Variants in ELMO1 observed in about 807,000 individuals in gnomAD.
The protein encoded by ELMO1 is engulfment and cell motility 1.
Under a neutral mutation model 98.9 loss-of-function variants are expected in ELMO1, and 26 were observed. That is an observed-to-expected ratio of 0.26 (90% CI 0.19 to 0.36). The LOEUF (loss-of-function observed/expected upper bound fraction) is 0.36. ELMO1 is among the 10% of genes least tolerant of loss of function. ELMO1 has a pLI of 1.00. For synonymous variants in ELMO1, 346 were observed against 346.0 expected (o/e 1.00, Z 0.00); for missense variants, 627 against 935.2 (o/e 0.67, Z 4.30).
chr7:36,875,642 C>G (rs1803896337), intron 19 of ELMO1, among the ~76,000 whole-genome samples: 2 of 152,156 alleles, frequency 1.3e-5, no homozygotes, highest in African/African-American at 4.8e-5. Context: ...ATTTGCAGCT[C>G]TGGCCTTGCT....
At chr7:37,417,077 A>C (rs1422343951) in intron 1 of ELMO1, among the ~76,000 whole-genome samples, 2 of 152,316 alleles carry the variant, frequency 1.3e-5, no homozygotes, top group Non-Finnish European at 2.9e-5. Context: ...TCTCTCAACG[A>C]TCCTAGAAGA....
At chr7:37,163,164 C>T (rs1789347471) in intron 13 of ELMO1, among the ~76,000 whole-genome samples, 1 of 152,102 alleles carries the variant, frequency 6.6e-6, no homozygotes, top group South Asian at 2.1e-4. Context: ...ATTGCTTTTC[C>T]TCTTTTCAAT....
At chr7:36,966,325 G>A (rs1478088124) in intron 16 of ELMO1, among the ~76,000 whole-genome samples, 2 of 152,156 alleles carry the variant, frequency 1.3e-5, no homozygotes, top group East Asian at 3.8e-4. Context: ...GAATCTATGG[G>A]TCAGCGTGAA....
intron 13 of ELMO1, among the ~76,000 whole-genome samples, chr7:37,166,207 C>T (rs377202742): frequency 2.1e-3 from 317 of 152,084 alleles, no homozygotes; most frequent in East Asian, 5.4e-3. Flanking sequence ...TTTTTTATTG[C>T]GTCTATTTGA....
chr7:37,232,892 C>A (rs762207805), intron 8 of ELMO1, among the ~76,000 whole-genome samples: 1 of 152,178 alleles, frequency 6.6e-6, no homozygotes, highest in Non-Finnish European at 1.5e-5. Flanking sequence ...TGCGCACATG[C>A]AATCCCTTAT....
intron 16 of ELMO1, among the ~76,000 whole-genome samples, chr7:36,991,412 C>A (rs538780835): frequency 2.0e-5 from 3 of 152,220 alleles, no homozygotes; most frequent in African/African-American, 7.2e-5. Context: ...GTAGCCACTA[C>A]TGGCTCAGTG....
chr7:37,197,939 G>C (rs1792067356), intron 13 of ELMO1, among the ~76,000 whole-genome samples: 1 of 152,134 alleles, frequency 6.6e-6, no homozygotes, highest in Admixed American at 6.5e-5. Context: ...TCTCCAAAGG[G>C]TATCGTGGAT....
intron 4 of ELMO1, among the ~76,000 whole-genome samples, chr7:37,287,433 A>C (rs1228955628): frequency 1.3e-5 from 2 of 152,206 alleles, no homozygotes; most frequent in East Asian, 3.8e-4. Context: ...CCTGTATTAA[A>C]GCATTAAATA....
chr7:37,384,232 C>G (rs1253844806), intron 1 of ELMO1, among the ~76,000 whole-genome samples: 1 of 152,170 alleles, frequency 6.6e-6, no homozygotes, highest in Non-Finnish European at 1.5e-5. Context: ...ATTATTACCT[C>G]TTTTAGTAAC....
intron 16 of ELMO1, among the ~76,000 whole-genome samples, chr7:36,977,316 A>G (rs1170855385): frequency 6.6e-6 from 1 of 152,262 alleles, no homozygotes; most frequent in Non-Finnish European, 1.5e-5. Flanking sequence ...CCTGGCACAC[A>G]GAGAGTACAG....
intron 1 of ELMO1, among the ~76,000 whole-genome samples, chr7:37,405,220 A>G (rs1383773588): frequency 3.3e-5 from 3 of 90,710 alleles, no homozygotes; most frequent in Non-Finnish European, 6.9e-5. Flanking sequence ...ACAATGGGGA[A>G]AAAAAACCCT....
intron 4 of ELMO1, among the ~76,000 whole-genome samples, chr7:37,298,013 C>CT (rs750078494): frequency 6.3e-4 from 96 of 152,130 alleles, no homozygotes; most frequent in Non-Finnish European, 1.1e-3. Context: ...TTTTAATTTA[C>CT]TTTTTTCTAA....
At chr7:37,026,083 T>C (rs1440146103) in intron 15 of ELMO1, among the ~76,000 whole-genome samples, 2 of 152,176 alleles carry the variant, frequency 1.3e-5, no homozygotes, top group African/African-American at 4.8e-5. Context: ...CATACCCTTG[T>C]TAAAACTTTC....
chr7:37,412,041 C>T (rs1209066433), intron 1 of ELMO1, among the ~76,000 whole-genome samples: 2 of 152,166 alleles, frequency 1.3e-5, no homozygotes, highest in Admixed American at 1.3e-4. Context: ...CACACACACA[C>T]AAAAACACAC....
At chr7:37,020,953 T>A (rs1794231397) in intron 15 of ELMO1, among the ~76,000 whole-genome samples, 1 of 152,172 alleles carries the variant, frequency 6.6e-6, no homozygotes, top group Admixed American at 6.5e-5. Flanking sequence ...ACATTAGAAC[T>A]ATTTGTGGTT....
intron 6 of ELMO1, among the ~76,000 whole-genome samples, 170 bp downstream of exon 6, chr7:37,259,011 T>C (rs1795840090): frequency 6.6e-6 from 1 of 151,874 alleles, no homozygotes; most frequent in Non-Finnish European, 1.5e-5. Context: ...TGGAGAACTC[T>C]TGAAATTACA....
Position 37,342,869 on chromosome 7 carries a change from G to A in ELMO1, c.-73-106C>T, listed in dbSNP as rs928634020. ...TCACTGGTGGTTTGGTATGAAAAAC[G>A]GCTCCCCTTGGTGCCTGGGTGCTGA... is the stretch of plus-strand genomic sequence containing the variant. On this transcript the variant is annotated intron_variant, in intron 1 of 21. Transcript: ENST00000310758. This position sits in a 1 kb window ranked among gnomAD's most constrained non-coding sequence, Gnocchi z 4.3. The A allele has an allele frequency of 1.4e-5, 8 of 572,860 alleles. No homozygotes were observed. The highest frequency in any genetic ancestry group is 4.5e-5 in the South Asian group (2 of 44,712). The allele number at this position is 572,860 out of a possible 1,614,324, so 35.5% of individuals were successfully genotyped here.
At chr7:37,287,251 G>C (rs568600062) in intron 4 of ELMO1, among the ~76,000 whole-genome samples, 1 of 151,946 alleles carries the variant, frequency 6.6e-6, no homozygotes, top group East Asian at 1.9e-4. Flanking sequence ...ATCAATGCAC[G>C]TGTCAGCAAT....
chr7:37,032,827 C>T (rs1189128497), intron 15 of ELMO1, among the ~76,000 whole-genome samples: 4 of 152,138 alleles, frequency 2.6e-5, no homozygotes, highest in Non-Finnish European at 4.4e-5. Context: ...ATGGATCAGG[C>T]ATAGACTCTG....
Sources: allele counts gnomAD v4.1 joint callset (sites outside exome capture counted in the v4.1 genomes callset), GRCh38; gene constraint gnomAD v4.1.1; non-coding constraint Gnocchi (gnomAD v3.1); transcripts MANE v1.5; gene names NCBI Gene and HGNC (gene_info 2026-07-23, HGNC 2026-07-21).